TRIM35: variants seen among roughly 807,000 people sequenced by gnomAD.
TRIM35 encodes the protein tripartite motif containing 35.
TRIM35 carries 37 observed loss-of-function variants against 49.1 expected under a neutral mutation model. The ratio of observed to expected loss-of-function variants is 0.75; its 90% CI spans 0.58 to 0.99. TRIM35 has a LOEUF of 0.99. Ranked by LOEUF, TRIM35 falls within the 50% of genes least tolerant of loss-of-function variation. The pLI is 0.00. For synonymous variants in TRIM35, 302 were observed against 289.3 expected, an observed-to-expected ratio of 1.04 and a Z score of -0.45; for missense variants, 648 against 702.7, an observed-to-expected ratio of 0.92 and a Z score of 0.88.
At chr8:27,303,505 T>C (rs1310000878) in intron 1 of TRIM35, among the ~76,000 whole-genome samples, 1 of 152,126 alleles carries the variant, frequency 6.6e-6, no homozygotes, top group Non-Finnish European at 1.5e-5. Context: ...TAAATATGCT[T>C]AGATTACAAA....
At chr8:27,290,827 C>T (rs1365196425) in intron 3 of TRIM35, among the ~76,000 whole-genome samples, 2 of 152,028 alleles carry the variant, frequency 1.3e-5, no homozygotes, top group East Asian at 3.8e-4. Flanking sequence ...AAAAGAAGAA[C>T]ATTGGAAGAC....
chr8:27,310,790 G>A lies in TRIM35; in HGVS notation c.435+11C>T. 4.5e-6 allele frequency: 7 copies of A among 1,571,676 alleles called. No individual in the cohort carries two copies. The highest frequency in any genetic ancestry group is 6.1e-6 in the Non-Finnish European group (7 of 1,154,276). On this transcript the variant is annotated intron_variant, in intron 1 of 5. Transcript: ENST00000305364. ...CCGGCTCGGCCGCCTCGTGCAAATC[G>A]CTGCTCTTACCCGAAAGTCGTGGGC...
At position 27,311,176 on chromosome 8, in the gene TRIM35, G is replaced by A. The variant is rs202177601; in HGVS notation, c.60C>T (p.Leu20=). 1 of 1,606,426 alleles carries A rather than the reference G, an allele frequency of 6.2e-7. No individual in the cohort carries two copies. The highest frequency in any genetic ancestry group is 8.5e-7 in the Non-Finnish European group (1 of 1,177,026). The stretch of plus-strand genomic sequence containing the variant: ...GGAAGGGGTCGTAGCAGACGGCGCA[G>A]AGCAACTCCTCCTTGAAGGAGCGGG... ...GPSRSFKEEL[L]CAVCYDPFRD... Residue 20 remains leucine, a synonymous_variant, in exon 1 of 6, where the codon CTC becomes CTT. Transcript: ENST00000305364.
intron 3 of TRIM35, among the ~76,000 whole-genome samples, chr8:27,293,853 TA>T (rs1230000664): frequency 6.6e-6 from 1 of 151,562 alleles, no homozygotes; most frequent in East Asian, 1.9e-4. Flanking sequence ...ACCCTGTCTC[TA>T]AAAAAAAGAA....
In TRIM35 at chr8:27,294,083, G is replaced by A. The variant is rs1431244844; in HGVS notation, c.759C>T (p.Leu253=). The A allele has an allele frequency of 6.2e-7, 1 of 1,613,838 alleles. No homozygotes were observed. The highest frequency in any genetic ancestry group is 8.5e-7 in the Non-Finnish European group (1 of 1,179,966). ...MEMKEDDVSF[L]MKHKSRKRRL... ...ATCCAGACGCTGAGCTCCTTACCAT[G>A]AGAAAAGAAACGTCGTCCTCCTTCA... The change falls in exon 3 of 6, where the codon CTC becomes CTT. Residue 253 remains leucine (L), a synonymous_variant. Coordinates refer to ENST00000305364, the MANE Select transcript of TRIM35 (RefSeq NM_171982.5).
At chr8:27,302,930 G>A (rs1444093257) in intron 1 of TRIM35, among the ~76,000 whole-genome samples, 2 of 151,950 alleles carry the variant, frequency 1.3e-5, no homozygotes, top group East Asian at 3.9e-4. Flanking sequence ...TATAATTATT[G>A]GCTTACTTCA....
intron 3 of TRIM35, among the ~76,000 whole-genome samples, chr8:27,292,980 C>T (rs1802485105): frequency 6.6e-6 from 1 of 151,936 alleles, no homozygotes; most frequent in African/African-American, 2.4e-5. Flanking sequence ...GCTTTTAGAT[C>T]CCACAAAATG....
chr8:27,310,546 G>A (rs1802906493), intron 1 of TRIM35, among the ~76,000 whole-genome samples: 1 of 152,258 alleles, frequency 6.6e-6, no homozygotes, highest in Non-Finnish European at 1.5e-5. Context: ...AGCAAGTGTC[G>A]CTGTCTTGGG....
chr8:27,300,763 T>C (rs956501705), intron 1 of TRIM35, among the ~76,000 whole-genome samples: 13 of 152,280 alleles, frequency 8.5e-5, no homozygotes, highest in African/African-American at 2.9e-4. Context: ...CTAATTTGCA[T>C]GAGTGCCCCC....
intron 1 of TRIM35, among the ~76,000 whole-genome samples, chr8:27,302,436 C>T (rs1272560922): frequency 6.6e-6 from 1 of 151,902 alleles, no homozygotes; most frequent in Non-Finnish European, 1.5e-5. Flanking sequence ...AAACAGGGTC[C>T]CCCTCTGTCA....
At position 27,289,144 on chromosome 8, in the gene TRIM35, G is replaced by A; in HGVS notation, c.904+18C>T. 2 of 1,607,562 alleles carry A rather than the reference G, an allele frequency of 1.2e-6. No individual in the cohort carries two copies. The highest frequency in any genetic ancestry group is 1.7e-6 in the Non-Finnish European group (2 of 1,174,616). On this transcript the variant is annotated intron_variant, in intron 5 of 5. Transcript: ENST00000305364. ...GCTTCCACCCATGCTTGGGACACCT[G>A]CCGGCACCCCCGCTCACCAGATTCC... is the stretch of plus-strand genomic sequence containing the variant.
rs572948868 is a variant in TRIM35 at position 27,304,437 on chromosome 8, C to G, written c.436-5878G>C. On this transcript the variant is annotated intron_variant, in intron 1 of 5. Transcript: ENST00000305364. ...CACCTTGAAAACTCGGCTCTAGTAC[C>G]CCTCATTTCCTCCAGGAAGCCCCCC... Among the ~76,000 whole-genome samples, 24 of 152,300 alleles carry G rather than the reference C, an allele frequency of 1.6e-4. No individual in the cohort carries two copies. The East Asian group carries it at 4.4e-3, about 28-fold the overall frequency.
At chr8:27,298,874 C>T (rs544852631) in intron 1 of TRIM35, among the ~76,000 whole-genome samples, 14 of 152,254 alleles carry the variant, frequency 9.2e-5, no homozygotes, top group Middle Eastern at 3.4e-3. Flanking sequence ...GAAGAGTGTC[C>T]CATGTGGGCC....
intron 1 of TRIM35, 60 bp from the exon 2 acceptor site, chr8:27,298,619 G>A: frequency 7.3e-7 from 1 of 1,376,648 alleles, no homozygotes; most frequent in Non-Finnish European, 1.0e-6. Flanking sequence ...TGGGCAGAGA[G>A]GGCAGACACA....
intron 1 of TRIM35, among the ~76,000 whole-genome samples, chr8:27,310,018 T>C (rs1356989054): frequency 6.7e-6 from 1 of 150,110 alleles, no homozygotes; most frequent in Non-Finnish European, 1.5e-5. Flanking sequence ...TAACAGAAAA[T>C]ATCAGAGTGC....
rs748216509 is a variant in TRIM35 at position 27,288,188 on chromosome 8, A to G, written c.905-61T>C. 8.1e-6 allele frequency: 12 copies of G among 1,486,112 alleles called. No individual in the cohort carries two copies. In the African/African-American group the frequency reaches 8.2e-5, roughly 10 times the overall value. 92.1% of individuals were successfully genotyped at this position (1,486,112 alleles called of 1,614,324 possible). ...CTGAGGTCCCTTAGGCCACACGTGG[A>G]TATCTCCAGCCCCACAAACCAACCA... On this transcript the variant is annotated intron_variant, in intron 5 of 5. Coordinates refer to ENST00000305364, the MANE Select transcript of TRIM35 (RefSeq NM_171982.5).
In TRIM35 at chr8:27,287,439, G is replaced by A. The variant is rs913349759; in HGVS notation, c.*111C>T. ...AAAGGACCAGGCAGGACAGGAGGAA[G>A]AGCCTGGCAAGGAGGCAGGGGCGCA... is the stretch of plus-strand genomic sequence containing the variant. On this transcript the variant is annotated 3_prime_UTR_variant, in exon 6 of 6. Transcript: ENST00000305364. This position sits in a 1 kb window ranked among gnomAD's most constrained non-coding sequence, Gnocchi z 6.0. The A allele has an allele frequency of 7.8e-6, 9 of 1,154,328 alleles. No individual in the cohort carries two copies. Among genetic ancestry groups the A allele is most frequent in the Non-Finnish European group, 8.4e-6 (7 of 829,274 alleles). The allele number at this position is 1,154,328 out of a possible 1,614,324, so 71.5% of individuals were successfully genotyped here. A position where few individuals can be genotyped will look rare whatever the true frequency, so the allele number is the denominator to read the frequency against.
chr8:27,295,477 T>C (rs1802547265), intron 2 of TRIM35, among the ~76,000 whole-genome samples: 1 of 152,176 alleles, frequency 6.6e-6, no homozygotes, highest in African/African-American at 2.4e-5. Context: ...CATCATAAGT[T>C]GAAAAATAGT....
chr8:27,310,714 G>A, intron 1 of TRIM35, 87 bp downstream of exon 1: 2 of 1,416,742 alleles, frequency 1.4e-6, no homozygotes, highest in Non-Finnish European at 1.9e-6. Flanking sequence ...CTGGGCTCTG[G>A]CAGGCAGGAG....
Sources: gnomAD v4.1 joint callset for allele counts (sites outside exome capture counted in the v4.1 genomes callset) on GRCh38, gnomAD v4.1.1 for gene constraint, Gnocchi (gnomAD v3.1) non-coding constraint, MANE v1.5 for transcripts, NCBI Gene and HGNC (gene_info 2026-07-23, HGNC 2026-07-21) for gene names.